The following PTCHD4 variants were observed in gnomAD, a reference collection of about 807,000 sequenced individuals.
PTCHD4 encodes the protein patched domain-containing protein 4.
PTCHD4 carries 33 observed loss-of-function variants against 58.1 expected under a neutral mutation model. That is an observed-to-expected ratio of 0.57 (90% CI 0.43 to 0.76). The LOEUF is 0.76. PTCHD4 is among the 30% of genes least tolerant of loss of function. PTCHD4 has a pLI of 0.00. For missense variants in PTCHD4, 1,058 were observed against 1,027.1 expected (o/e 1.03, Z -0.41); for synonymous variants, 478 against 409.6 (o/e 1.17, Z -2.02).
At chr6:48,013,294 A>G (rs1488363780) in intron 3 of PTCHD4, among the ~76,000 whole-genome samples, 3 of 151,858 alleles carry the variant, frequency 2.0e-5, no homozygotes, top group Admixed American at 6.6e-5. Context: ...CTTTCTCCCT[A>G]CATACTAAAT....
At chr6:48,083,064 A>AT (rs1442816377) in intron 1 of PTCHD4, among the ~76,000 whole-genome samples, 1 of 151,112 alleles carries the variant, frequency 6.6e-6, no homozygotes, top group South Asian at 2.1e-4. Context: ...TTTGCACAGT[A>AT]TTTTTTGTTT....
intron 1 of PTCHD4, among the ~76,000 whole-genome samples, chr6:48,093,467 G>T (rs777346336): frequency 1.2e-4 from 18 of 151,968 alleles, no homozygotes; most frequent in Non-Finnish European, 2.5e-4. Flanking sequence ...CAGGACAAAG[G>T]TATTGGGGAC....
intron 4 of PTCHD4, among the ~76,000 whole-genome samples, chr6:47,881,967 C>G (rs1413411295): frequency 6.6e-6 from 1 of 152,022 alleles, no homozygotes; most frequent in African/African-American, 2.4e-5. Context: ...ACTGTTCCTT[C>G]TTGCATTTTA....
At position 48,072,073 on chromosome 6, in the gene PTCHD4, T is replaced by G. The variant is rs1425606594; in HGVS notation, c.-969-2147A>C. Among the ~76,000 whole-genome samples, 4 of 152,192 alleles carry G rather than the reference T, an allele frequency of 2.6e-5. No homozygotes were observed. In the East Asian group the frequency reaches 7.7e-4, roughly 29 times the overall value. On this transcript the variant is annotated intron_variant, in intron 1 of 4. Coordinates refer to ENST00000339488, the MANE Select transcript of PTCHD4 (RefSeq NM_001384253.1). ...AGTGGCATTTTTCAGGTTTCTCCAC[T>G]GTAAAGTTAATCTTTTTACTATCCT...
chr6:48,039,902 C>T (rs988815839), intron 3 of PTCHD4, among the ~76,000 whole-genome samples: 1 of 151,966 alleles, frequency 6.6e-6, no homozygotes, highest in African/African-American at 2.4e-5. Flanking sequence ...GAGTATAGTC[C>T]TGGCCAGTTC....
rs911637464 is a variant in PTCHD4 at position 47,859,497 on chromosome 6, C to T, written c.*18806G>A. ...ATCTAATATATTTGCAACTGAAACA[C>T]TTGAAGCTTTCAAGGTCTACCTGAA... On this transcript the variant is annotated 3_prime_UTR_variant, in exon 5 of 5. Coordinates refer to ENST00000339488, the MANE Select transcript of PTCHD4 (RefSeq NM_001384253.1). Among the ~76,000 whole-genome samples the T allele has an allele frequency of 6.6e-6, 1 of 151,986 alleles. No individual in the cohort carries two copies. Among genetic ancestry groups the T allele is most frequent in the Admixed American group, 6.6e-5 (1 of 15,222 alleles).
At chr6:47,921,018 C>T (rs1259230556) in intron 4 of PTCHD4, among the ~76,000 whole-genome samples, 1 of 152,030 alleles carries the variant, frequency 6.6e-6, no homozygotes, top group East Asian at 1.9e-4. Flanking sequence ...TCTGCAGCAA[C>T]AGCTAAACAA....
intron 4 of PTCHD4, among the ~76,000 whole-genome samples, chr6:47,933,670 G>A (rs75399952): frequency 0.026 from 3,963 of 152,244 alleles, 135 homozygotes; most frequent in African/African-American, 0.074. Context: ...CATAGACTTA[G>A]TATAAGATTA....
At chr6:48,037,947 T>C (rs905784468) in intron 3 of PTCHD4, among the ~76,000 whole-genome samples, 9 of 151,598 alleles carry the variant, frequency 5.9e-5, no homozygotes, top group African/African-American at 1.9e-4. Flanking sequence ...ATTGTTGAGG[T>C]TTGATTTGTT....
chr6:47,897,926 T>C (rs1302933282), intron 4 of PTCHD4, among the ~76,000 whole-genome samples: 1 of 149,412 alleles, frequency 6.7e-6, no homozygotes, highest in Non-Finnish European at 1.5e-5. Flanking sequence ...TCATCCTTTC[T>C]TTTTTCTTTC....
Position 47,882,741 on chromosome 6 carries a change from G to GAGATAT in PTCHD4, c.899-2806_899-2805insATATCT, listed in dbSNP as rs143060584. Among the ~76,000 whole-genome samples the GAGATAT allele has an allele frequency of 3.5e-3, 359 of 102,438 alleles. 13 individuals are homozygous for GAGATAT. Among genetic ancestry groups the GAGATAT allele is most frequent in the African/African-American group, 0.01 (317 of 31,582 alleles). The allele number at this position is 102,438 out of a possible 152,430, so 67.2% of individuals were successfully genotyped here. A position where few individuals can be genotyped will look rare whatever the true frequency, so the allele number is the denominator to read the frequency against. ...TGAATCCATTTCTAATGATTCCAGT[G>GAGATAT]ATATATATATATATATTCCTTAAAT... is the stretch of plus-strand genomic sequence containing the variant. On this transcript the variant is annotated intron_variant, in intron 4 of 4. Coordinates refer to ENST00000339488, the MANE Select transcript of PTCHD4 (RefSeq NM_001384253.1).
At position 48,024,832 on chromosome 6, in the gene PTCHD4, T is replaced by C. The variant is rs531643582; in HGVS notation, c.418-15718A>G. 3.4e-3 allele frequency among the ~76,000 whole-genome samples: 525 copies of C among 152,298 alleles called. 3 individuals are homozygous for C. The highest frequency in any genetic ancestry group is 5.5e-3 in the Non-Finnish European group (376 of 68,006). ...AAGTTTCTCCACTGAAGGATCCTTC[T>C]ATAATTAAAAGCATCTGGTGCAGGC... On this transcript the variant is annotated intron_variant, in intron 3 of 4. Transcript: ENST00000339488.
chr6:48,066,287 T>A (rs892161226), intron 3 of PTCHD4, among the ~76,000 whole-genome samples: 4 of 152,118 alleles, frequency 2.6e-5, no homozygotes, highest in African/African-American at 7.2e-5. Context: ...AGGGATTTTA[T>A]ACTGTAAATA....
rs141087163 is a variant in PTCHD4 at position 48,002,241 on chromosome 6, C to G, written c.898+6393G>C. On this transcript the variant is annotated intron_variant, in intron 4 of 4. Transcript: ENST00000339488. ...ATCTAGACCTAGAAATACCATTTGA[C>G]CCAGCCATCCCATTAGTGGGTATAT... Among the ~76,000 whole-genome samples the G allele has an allele frequency of 2.3e-4, 35 of 152,252 alleles. 1 individual carries two copies. In the East Asian group the frequency reaches 5.8e-3, roughly 25 times the overall value.
chr6:48,091,491 T>G (rs970493478), intron 1 of PTCHD4, among the ~76,000 whole-genome samples: 1 of 152,272 alleles, frequency 6.6e-6, no homozygotes, highest in Non-Finnish European at 1.5e-5. Flanking sequence ...GCACTGCTAT[T>G]TAATATGTGG....
At chr6:47,945,809 T>TA (rs1252817433) in intron 4 of PTCHD4, among the ~76,000 whole-genome samples, 1 of 151,834 alleles carries the variant, frequency 6.6e-6, no homozygotes, top group African/African-American at 2.4e-5. Context: ...TATAAATTGT[T>TA]ATAATTTTCT....
intron 4 of PTCHD4, among the ~76,000 whole-genome samples, chr6:47,885,894 C>T (rs1764177261): frequency 2.0e-5 from 3 of 152,200 alleles, no homozygotes; most frequent in African/African-American, 4.8e-5. Context: ...TCTCAGCTCC[C>T]TGCTACCTCT....
chr6:47,938,824 T>A lies in PTCHD4; in HGVS notation c.899-58888A>T, dbSNP rs111346267. On this transcript the variant is annotated intron_variant, in intron 4 of 4. Transcript: ENST00000339488. ...AGAGGGTCAAAGTGTTCAGAATCTT[T>A]CCAAGGGAGTGATTATAATAATTAA... Among the ~76,000 whole-genome samples the A allele has an allele frequency of 8.7e-3, 1,332 of 152,262 alleles. 17 individuals carry two copies. Among genetic ancestry groups the A allele is most frequent in the South Asian group, 0.033 (157 of 4,826 alleles).
At chr6:47,884,020 G>A (rs116585544) in intron 4 of PTCHD4, among the ~76,000 whole-genome samples, 2,277 of 152,116 alleles carry the variant, frequency 0.015, 56 homozygotes, top group African/African-American at 0.049. Context: ...CCGTAACACA[G>A]AAAACTGCTG....
Sources: allele counts gnomAD v4.1 joint callset (sites outside exome capture counted in the v4.1 genomes callset), GRCh38; gene constraint gnomAD v4.1.1; transcripts MANE v1.5; gene names NCBI Gene and HGNC (gene_info 2026-07-23, HGNC 2026-07-21).